Variants in DPH6 observed in about 807,000 individuals in gnomAD.
DPH6 encodes diphthine--ammonia ligase.
In DPH6, 33 loss-of-function variants were observed where a neutral mutation model predicts 38.2. The ratio of observed to expected loss-of-function variants is 0.86; its 90% CI spans 0.65 to 1.15. DPH6 has a LOEUF of 1.15. DPH6 is among the 50% of genes most tolerant of loss of function. The probability of loss-of-function intolerance (pLI) is 0.00; values close to 1 mark genes in which losing one functional copy is unlikely to be tolerated. For synonymous variants in DPH6, 108 were observed against 103.0 expected, an observed-to-expected ratio of 1.05 and a Z score of -0.30; for missense variants, 325 against 320.0, an observed-to-expected ratio of 1.02 and a Z score of -0.12.
chr15:35,218,691 T>C (rs1402577084), exon 4 of DPH6: 7 of 152,208 alleles, frequency 4.6e-5, no homozygotes, highest in Non-Finnish European at 1.0e-4. Context: ...ATGGTGAAAC[T>C]GAATTATGAA....
At chr15:35,398,761 T>G (rs572468154) in intron 6 of DPH6, among the ~76,000 whole-genome samples, 1 of 152,302 alleles carries the variant, frequency 6.6e-6, no homozygotes, top group East Asian at 1.9e-4. Flanking sequence ...GGTAACAACC[T>G]ACTACTTGTG....
downstream of DPH6, among the ~76,000 whole-genome samples, chr15:35,215,170 G>A (rs2051404785): frequency 6.6e-6 from 1 of 152,194 alleles, no homozygotes; most frequent in Non-Finnish European, 1.5e-5. Flanking sequence ...GTGGGCAAAT[G>A]CACAAGATAC....
chr15:35,411,728 C>G (rs538850550), intron 5 of DPH6, among the ~76,000 whole-genome samples: 18 of 151,662 alleles, frequency 1.2e-4, no homozygotes, highest in African/African-American at 4.1e-4. Context: ...GTTTCATTTA[C>G]AAAAGTTAAT....
At chr15:35,313,328 A>G (rs73393342) in intron 3 of DPH6, among the ~76,000 whole-genome samples, 3,933 of 149,918 alleles carry the variant, frequency 0.026, 171 homozygotes, top group African/African-American at 0.091. Context: ...GGAGTCTTTC[A>G]TGGTTTTATA....
intron 3 of DPH6, among the ~76,000 whole-genome samples, chr15:35,362,199 GT>G (rs758910809): frequency 5.8e-4 from 88 of 152,142 alleles, no homozygotes; most frequent in Non-Finnish European, 1.2e-3. Flanking sequence ...AAGTTTTCCA[GT>G]TTCCTTTTCA....
At chr15:35,308,330 C>T (rs1389498381) in intron 3 of DPH6, among the ~76,000 whole-genome samples, 1 of 152,230 alleles carries the variant, frequency 6.6e-6, no homozygotes, top group Non-Finnish European at 1.5e-5. Context: ...TGTTAATTGG[C>T]TTGATTTAAT....
At chr15:35,463,560 A>T (rs1221950050) in intron 3 of DPH6, among the ~76,000 whole-genome samples, 1 of 152,172 alleles carries the variant, frequency 6.6e-6, no homozygotes, top group East Asian at 1.9e-4. Flanking sequence ...TAATGATATA[A>T]GGCTAAGCGA....
intron 3 of DPH6, among the ~76,000 whole-genome samples, chr15:35,224,100 G>GTTTTT (rs142813866): frequency 3.3e-4 from 29 of 88,912 alleles, no homozygotes; most frequent in Non-Finnish European, 3.7e-4. Context: ...CATGATTTTA[G>GTTTTT]TTTTTTTTTT....
At chr15:35,377,181 G>A (rs376997586) in intron 7 of DPH6, among the ~76,000 whole-genome samples, 68 of 152,222 alleles carry the variant, frequency 4.5e-4, no homozygotes, top group African/African-American at 5.8e-4. Flanking sequence ...TTTGAAACAC[G>A]GCATTACGGT....
chr15:35,436,262 C>G (rs535956453), intron 5 of DPH6, among the ~76,000 whole-genome samples: 54 of 151,654 alleles, frequency 3.6e-4, no homozygotes, highest in South Asian at 1.5e-3. Context: ...GTCAGGAGAT[C>G]AAGACCATCT....
chr15:35,404,824 C>T (rs542941691), intron 6 of DPH6, among the ~76,000 whole-genome samples: 2 of 152,126 alleles, frequency 1.3e-5, no homozygotes, highest in East Asian at 3.9e-4. Flanking sequence ...GAGAAGTTCC[C>T]CAATGTGTTC....
intron 3 of DPH6, among the ~76,000 whole-genome samples, chr15:35,289,098 T>G (rs2051962530): frequency 6.6e-6 from 1 of 152,178 alleles, no homozygotes; most frequent in Non-Finnish European, 1.5e-5. Context: ...AAACTTATCA[T>G]TTCTATGATA....
chr15:35,524,234 TAA>T (rs2054965989), intron 3 of DPH6, among the ~76,000 whole-genome samples: 1 of 152,168 alleles, frequency 6.6e-6, no homozygotes. Flanking sequence ...CATATTACTA[TAA>T]AAGTTTCTAA....
At chr15:35,357,403 C>T (rs1244599202) in intron 3 of DPH6, among the ~76,000 whole-genome samples, 2 of 152,156 alleles carry the variant, frequency 1.3e-5, no homozygotes, top group African/African-American at 2.4e-5. Flanking sequence ...TGGAGCTATT[C>T]CTATTTGGCC....
chr15:35,406,150 G>GT (rs1352822710), intron 6 of DPH6, among the ~76,000 whole-genome samples: 1 of 152,078 alleles, frequency 6.6e-6, no homozygotes, highest in Non-Finnish European at 1.5e-5. Flanking sequence ...AAACCTTACA[G>GT]TAGTGAGCTT....
rs2140919879 is a variant in DPH6, at chr15:35,371,088, A to G, written c.*1062T>C. On this transcript the variant is annotated 3_prime_UTR_variant, in exon 9 of 9. Transcript: ENST00000256538. The stretch of plus-strand genomic sequence containing the variant: ...AATACATGAAAGAAGCCAATCTGAA[A>G]AGCTATATACTGCATGAAAAGCTAT... 1 of 151,880 alleles carries G rather than the reference A, an allele frequency of 6.6e-6. No homozygotes were observed. Among genetic ancestry groups the G allele is most frequent in the South Asian group, 2.1e-4 (1 of 4,816 alleles). 9.4% of individuals were successfully genotyped at this position (151,880 alleles called of 1,614,324 possible). A position where few individuals can be genotyped will look rare whatever the true frequency, so the allele number is the denominator to read the frequency against.
chr15:35,527,018 A>C (rs931806835), intron 3 of DPH6, among the ~76,000 whole-genome samples: 2 of 152,158 alleles, frequency 1.3e-5, no homozygotes, highest in African/African-American at 4.8e-5. Context: ...AATTCAATCC[A>C]ATCTATAATA....
chr15:35,460,806 T>C (rs1178806055), intron 3 of DPH6, among the ~76,000 whole-genome samples: 2 of 151,572 alleles, frequency 1.3e-5, no homozygotes, highest in South Asian at 2.1e-4. Flanking sequence ...ACCTGCAGGA[T>C]TGCTGGGAAG....
At chr15:35,275,015 C>T (rs866377761) in intron 3 of DPH6, among the ~76,000 whole-genome samples, 21 of 151,958 alleles carry the variant, frequency 1.4e-4, no homozygotes, top group African/African-American at 3.4e-4. Flanking sequence ...CCCGGGTTCA[C>T]GCCATTCTCC....
Sources: gnomAD v4.1 joint callset for allele counts (sites outside exome capture counted in the v4.1 genomes callset) on GRCh38, gnomAD v4.1.1 for gene constraint, MANE v1.5 for transcripts, NCBI Gene and HGNC (gene_info 2026-07-23, HGNC 2026-07-21) for gene names.